CNTN5: variants seen among roughly 807,000 people sequenced by gnomAD.
CNTN5 encodes contactin 5.
CNTN5 carries 77 observed loss-of-function variants against 129.1 expected under a neutral mutation model. The ratio of observed to expected loss-of-function variants is 0.60; its 90% confidence interval spans 0.50 to 0.72. The LOEUF is 0.72. Ranked by LOEUF, CNTN5 falls within the 30% of genes least tolerant of loss-of-function variation. The probability of loss-of-function intolerance (pLI) is 0.00; values close to 1 mark genes in which losing one functional copy is unlikely to be tolerated. For missense variants in CNTN5, 1,478 were observed against 1,328.8 expected, an observed-to-expected ratio of 1.11 and a Z score of -1.75; for synonymous variants, 509 against 465.6, an observed-to-expected ratio of 1.09 and a Z score of -1.20.
At chr11:99,969,539 T>C (rs1012219044) in intron 8 of CNTN5, among the ~76,000 whole-genome samples, 2 of 152,156 alleles carry the variant, frequency 1.3e-5, no homozygotes, top group African/African-American at 4.8e-5. Flanking sequence ...TAATCTCTAA[T>C]TGGGCATGGG....
At chr11:99,088,885 A>G (rs934031440) in intron 1 of CNTN5, among the ~76,000 whole-genome samples, 8 of 152,170 alleles carry the variant, frequency 5.3e-5, no homozygotes, top group African/African-American at 1.7e-4. Flanking sequence ...TCTCTACTCA[A>G]TTTTGCTTTC....
At chr11:99,231,908 C>T (rs1861019892) in intron 1 of CNTN5, among the ~76,000 whole-genome samples, 1 of 152,092 alleles carries the variant, frequency 6.6e-6, no homozygotes, top group Non-Finnish European at 1.5e-5. Flanking sequence ...AATAGGGAAT[C>T]ATTTCCTCAT....
At chr11:100,086,107 T>C (rs1384709440) in intron 13 of CNTN5, among the ~76,000 whole-genome samples, 3 of 151,912 alleles carry the variant, frequency 2.0e-5, no homozygotes, top group South Asian at 2.1e-4. Flanking sequence ...AAAGAAGAAC[T>C]TGAATGCACA....
chr11:100,225,145 T>C (rs1949345283), intron 16 of CNTN5: 1 of 160,734 alleles, frequency 6.2e-6, no homozygotes, highest in South Asian at 2.0e-4. Flanking sequence ...TGTGTGTGTA[T>C]ATATGTTTTG....
intron 1 of CNTN5, among the ~76,000 whole-genome samples, chr11:99,300,226 C>T (rs901729188): frequency 2.0e-5 from 3 of 151,836 alleles, no homozygotes; most frequent in Non-Finnish European, 4.4e-5. Context: ...TCAGCTCTTC[C>T]CCCATTGACT....
intron 9 of CNTN5, among the ~76,000 whole-genome samples, chr11:100,027,448 C>T (rs1034340221): frequency 1.3e-5 from 2 of 152,126 alleles, no homozygotes; most frequent in African/African-American, 4.8e-5. Context: ...CAAATGCCTC[C>T]CTAATTATGA....
chr11:99,560,128 G>T (rs944796054), intron 3 of CNTN5, among the ~76,000 whole-genome samples: 2 of 152,034 alleles, frequency 1.3e-5, no homozygotes, highest in African/African-American at 2.4e-5. Flanking sequence ...AATCATGGAT[G>T]CAAGATATTA....
At position 99,825,503 on chromosome 11, in the gene CNTN5, ACTAT is replaced by A. The variant is rs538646667; in HGVS notation, c.277+5743_277+5746del. Among the ~76,000 whole-genome samples the A allele has an allele frequency of 5.2e-3, 793 of 152,146 alleles. 2 individuals carry two copies. Among genetic ancestry groups the A allele is most frequent in the Non-Finnish European group, 8.0e-3 (542 of 67,880 alleles). ...ACTTAATTATATTTTCTGTAACATC[ACTAT>A]CTATAGTCATAATTTCTTATAATTT... On this transcript the variant is annotated intron_variant, in intron 4 of 24. Transcript: ENST00000524871.
intron 2 of CNTN5, among the ~76,000 whole-genome samples, chr11:99,409,164 A>G (rs61892052): frequency 0.05 from 7,659 of 152,266 alleles, 376 homozygotes; most frequent in East Asian, 0.19. Context: ...ATTAGTCACT[A>G]TCTTTAAAAG....
chr11:100,091,999 T>C (rs551786766), intron 13 of CNTN5, among the ~76,000 whole-genome samples: 2 of 152,184 alleles, frequency 1.3e-5, no homozygotes, highest in South Asian at 4.1e-4. Context: ...AATGAGACAG[T>C]ATTATATACC....
intron 2 of CNTN5, among the ~76,000 whole-genome samples, chr11:99,528,306 A>T (rs1198803920): frequency 1.3e-5 from 2 of 152,242 alleles, no homozygotes; most frequent in East Asian, 3.9e-4. Context: ...TTTTGCAAGC[A>T]TAAACAGTAA....
In CNTN5 at chr11:99,633,750, TTATG is replaced by T. The variant is rs771490638; in HGVS notation, c.55+77483_55+77486del. ...AGGAAAAGTGCAGCAATATTAGGGTTTATGTTTGTTTGTTTGTTTAAGGTTTCAC... is the reference window on the plus strand; with the variant it reads ...AGGAAAAGTGCAGCAATATTAGGGTTTTTGTTTGTTTGTTTAAGGTTTCAC... On this transcript the variant is annotated intron_variant, in intron 3 of 24. Coordinates refer to ENST00000524871, the MANE Select transcript of CNTN5 (RefSeq NM_014361.4). 7.2e-5 allele frequency among the ~76,000 whole-genome samples: 11 copies of T among 152,222 alleles called. No individual in the cohort carries two copies. The South Asian group carries it at 1.2e-3, about 17-fold the overall frequency.
At chr11:99,964,848 G>C (rs1951050521) in intron 8 of CNTN5, among the ~76,000 whole-genome samples, 1 of 152,072 alleles carries the variant, frequency 6.6e-6, no homozygotes. Context: ...GCCTGTTATT[G>C]GTCTATTCAG....
chr11:99,250,722 G>A (rs1292083179), intron 1 of CNTN5, among the ~76,000 whole-genome samples: 6 of 151,910 alleles, frequency 3.9e-5, no homozygotes, highest in Non-Finnish European at 8.8e-5. Flanking sequence ...ATAGTGGCAA[G>A]TACTATCATG....
At chr11:99,618,572 C>T (rs1026570276) in intron 3 of CNTN5, among the ~76,000 whole-genome samples, 1 of 152,164 alleles carries the variant, frequency 6.6e-6, no homozygotes, top group Non-Finnish European at 1.5e-5. Flanking sequence ...CACAAAGTTT[C>T]ACTCAATAGA....
intron 1 of CNTN5, among the ~76,000 whole-genome samples, chr11:99,066,045 T>C (rs1865088672): frequency 6.6e-6 from 1 of 152,176 alleles, no homozygotes; most frequent in African/African-American, 2.4e-5. Context: ...AAGTTATATG[T>C]TGTTTATTAA....
intron 20 of CNTN5, among the ~76,000 whole-genome samples, chr11:100,300,786 G>A (rs1483749592): frequency 6.6e-6 from 1 of 151,542 alleles, no homozygotes; most frequent in Non-Finnish European, 1.5e-5. Context: ...GTATTCTGAT[G>A]AGATACCAAT....
intron 3 of CNTN5, among the ~76,000 whole-genome samples, chr11:99,561,304 T>A (rs980929330): frequency 1.3e-5 from 2 of 151,012 alleles, no homozygotes; most frequent in Admixed American, 1.3e-4. Flanking sequence ...AGTAAGTAAG[T>A]AAGTAAGTAA....
chr11:99,854,804 G>A (rs11221634), intron 6 of CNTN5, among the ~76,000 whole-genome samples: 14,265 of 152,106 alleles, frequency 0.094, 1,302 homozygotes, highest in East Asian at 0.41. Context: ...CCATGGAAAT[G>A]TTTCACCAAC....
Sources: allele counts gnomAD v4.1 joint callset (sites outside exome capture counted in the v4.1 genomes callset), GRCh38; gene constraint gnomAD v4.1.1; transcripts MANE v1.5; gene names NCBI Gene and HGNC (gene_info 2026-07-23, HGNC 2026-07-21).